Variants in TNFRSF8 observed in about 807,000 individuals in gnomAD.
TNFRSF8 encodes tumor necrosis factor receptor superfamily member 8.
TNFRSF8 carries 26 observed loss-of-function variants against 70.8 expected under a neutral mutation model. That is an observed-to-expected ratio of 0.37 (90% confidence interval 0.27 to 0.51). The LOEUF (loss-of-function observed/expected upper bound fraction) is 0.51, where lower values mean the gene tolerates loss of function less well. Among genes scored for constraint, TNFRSF8 ranks in the 20% least tolerant of loss-of-function variants. TNFRSF8 has a pLI of 0.94. For synonymous variants in TNFRSF8, 356 were observed against 339.2 expected (o/e 1.05, Z -0.54); for missense variants, 720 against 807.9 (o/e 0.89, Z 1.32).
chr1:12,120,976 C>A (rs1241426135), intron 8 of TNFRSF8, among the ~76,000 whole-genome samples: 2 of 152,214 alleles, frequency 1.3e-5, no homozygotes, highest in African/African-American at 4.8e-5. Flanking sequence ...GCAGCTGAGA[C>A]CATGGGCCTG....
In TNFRSF8 at chr1:12,142,662, C is replaced by T; in HGVS notation, c.*131C>T. On this transcript the variant is annotated 3_prime_UTR_variant, in exon 15 of 15. Transcript: ENST00000263932. This position sits in a 1 kb window ranked among gnomAD's most constrained non-coding sequence, Gnocchi z 5.0. ...TGAGGCTCCAGCATCTAGTGGTGGA[C>T]CGGCCGGTCACTGCAGGGGTCTGGT... is the stretch of plus-strand genomic sequence containing the variant. 2 of 1,271,540 alleles carry T rather than the reference C, an allele frequency of 1.6e-6. No homozygotes were observed. Among genetic ancestry groups the T allele is most frequent in the East Asian group, 2.5e-5 (1 of 39,296 alleles). The allele number at this position is 1,271,540 out of a possible 1,614,324, so 78.8% of individuals were successfully genotyped here.
At chr1:12,101,863 C>T (rs12120288) in intron 3 of TNFRSF8, among the ~76,000 whole-genome samples, 5,116 of 151,994 alleles carry the variant, frequency 0.034, 97 homozygotes, top group African/African-American at 0.049. Context: ...TTAGGAGAGG[C>T]GGGATTTCAC....
chr1:12,130,141 C>T (rs971185669), intron 12 of TNFRSF8, among the ~76,000 whole-genome samples: 2 of 152,214 alleles, frequency 1.3e-5, no homozygotes, highest in African/African-American at 4.8e-5. Context: ...CTCCTGGCCT[C>T]AAGTGGTCCT....
At chr1:12,117,807 C>T (rs747879648) in intron 8 of TNFRSF8, among the ~76,000 whole-genome samples, 10 of 152,066 alleles carry the variant, frequency 6.6e-5, no homozygotes, top group Non-Finnish European at 1.5e-4. Flanking sequence ...ATACATTGTA[C>T]CCCTTAAATA....
At chr1:12,070,576 T>C (rs1640824988) in intron 1 of TNFRSF8, among the ~76,000 whole-genome samples, 1 of 152,150 alleles carries the variant, frequency 6.6e-6, no homozygotes, top group Admixed American at 6.5e-5. Context: ...TCCTCCTGCC[T>C]GCGCCTCCTA....
At position 12,123,272 on chromosome 1, in the gene TNFRSF8, T is replaced by A; in HGVS notation, c.947-12T>A. ...TTGGCGCTGGTTCTCAGATGTTACG[T>A]CCCCTCTGCAGATATGGCTGAGAAG... is the stretch of plus-strand genomic sequence containing the variant. On this transcript the variant is annotated splice_polypyrimidine_tract_variant and intron_variant, in intron 8 of 14. Transcript: ENST00000263932. The A allele has an allele frequency of 6.2e-7, 1 of 1,607,322 alleles. No individual in the cohort carries two copies. The highest frequency in any genetic ancestry group is 1.1e-5 in the South Asian group (1 of 89,236).
intron 3 of TNFRSF8, among the ~76,000 whole-genome samples, chr1:12,104,042 C>T (rs573699133): frequency 6.6e-6 from 1 of 152,276 alleles, no homozygotes; most frequent in South Asian, 2.1e-4. Context: ...CCCTGAACCT[C>T]TGGCAGCTAC....
At chr1:12,072,935 C>T (rs1489214880) in intron 1 of TNFRSF8, among the ~76,000 whole-genome samples, 2 of 152,198 alleles carry the variant, frequency 1.3e-5, no homozygotes, top group African/African-American at 4.8e-5. Context: ...TCCAAACGGT[C>T]TGGGGGGCAT....
chr1:12,140,895 C>T (rs751088508), intron 14 of TNFRSF8, among the ~76,000 whole-genome samples: 27 of 152,140 alleles, frequency 1.8e-4, no homozygotes, highest in Non-Finnish European at 3.8e-4. Flanking sequence ...TCTCACCACC[C>T]CCGGCCCCCA....
intron 8 of TNFRSF8, among the ~76,000 whole-genome samples, chr1:12,122,489 A>G (rs1339851109): frequency 6.6e-6 from 1 of 151,816 alleles, no homozygotes; most frequent in East Asian, 2.0e-4. Context: ...TCTACTAAAA[A>G]TACAAAAATT....
chr1:12,127,784 C>T (rs1390731946), intron 12 of TNFRSF8, among the ~76,000 whole-genome samples: 2 of 152,176 alleles, frequency 1.3e-5, no homozygotes, highest in Non-Finnish European at 2.9e-5. Flanking sequence ...ATTAGAATTT[C>T]CATTGCCGTC....
In TNFRSF8 at chr1:12,138,139, T is replaced by G. The variant is rs1642181025; in HGVS notation, c.1336-90T>G. ...AGAAAGGGGGACTCACTGGGGTCTG[T>G]AGAGATGAAAAAAAAAAGGGGCCTC... On this transcript the variant is annotated intron_variant, in intron 13 of 14. Coordinates refer to ENST00000263932, the MANE Select transcript of TNFRSF8 (RefSeq NM_001243.5). This position sits in a 1 kb window ranked among gnomAD's most constrained non-coding sequence, Gnocchi z 5.7. 6 of 1,364,832 alleles carry G rather than the reference T, an allele frequency of 4.4e-6. No homozygotes were observed. The highest frequency in any genetic ancestry group is 3.0e-6 in the Non-Finnish European group (3 of 998,312). The allele number at this position is 1,364,832 out of a possible 1,614,324, so 84.5% of individuals were successfully genotyped here. A position where few individuals can be genotyped will look rare whatever the true frequency, so the allele number is the denominator to read the frequency against.
At position 12,111,974 on chromosome 1, in the gene TNFRSF8, C is replaced by T. The variant is rs536842664; in HGVS notation, c.753C>T (p.Asp251=). Reference sequence around the variant, plus strand: ...AGTGTGAGCCCGACTACTACCTGGACGAGGCCGGCCGCTGCACGGCCTGCG... The same window carrying T: ...AGTGTGAGCCCGACTACTACCTGGATGAGGCCGGCCGCTGCACGGCCTGCG... ...RKQCEPDYYL[D]EAGRCTACVS... The change falls in exon 7 of 15, where the codon GAC becomes GAT. Residue 251 remains aspartate (D), a synonymous_variant. Coordinates refer to ENST00000263932, the MANE Select transcript of TNFRSF8 (RefSeq NM_001243.5). 100 of 1,614,186 alleles carry T rather than the reference C, an allele frequency of 6.2e-5. No homozygotes were observed. Among genetic ancestry groups the T allele is most frequent in the South Asian group, 7.7e-5 (7 of 91,080 alleles).
intron 1 of TNFRSF8, among the ~76,000 whole-genome samples, chr1:12,076,086 C>CTCTTTTTTTTTTTTTT: frequency 7.4e-6 from 1 of 134,460 alleles, no homozygotes; most frequent in Non-Finnish European, 1.6e-5. Context: ...TGGTTTTATT[C>CTCTTTTTTTTTTTTTT]TTTTTTTTTT....
intron 2 of TNFRSF8, among the ~76,000 whole-genome samples, chr1:12,089,778 G>A (rs1020690132): frequency 5.3e-5 from 8 of 151,998 alleles, no homozygotes; most frequent in Non-Finnish European, 1.0e-4. Flanking sequence ...GTGAGGAAAA[G>A]CCCCTATACC....
chr1:12,096,089 G>A (rs1223916562), intron 2 of TNFRSF8, among the ~76,000 whole-genome samples: 2 of 152,152 alleles, frequency 1.3e-5, no homozygotes, highest in African/African-American at 2.4e-5. Context: ...GGCATGCCTG[G>A]GTCATGTGCC....
rs1642132256 is a variant in TNFRSF8 at position 12,135,627 on chromosome 1, C to T, written c.1335+14C>T. 1 of 1,613,898 alleles carries T rather than the reference C, an allele frequency of 6.2e-7. No individual in the cohort carries two copies. Among genetic ancestry groups the T allele is most frequent in the Non-Finnish European group, 8.5e-7 (1 of 1,179,976 alleles). On this transcript the variant is annotated intron_variant, in intron 13 of 14. Transcript: ENST00000263932. The stretch of plus-strand genomic sequence containing the variant: ...AGGAGCTCAACGGTAAGTACCCCTC[C>T]CTTGCCCCCACCTCAGCTTCGTGCC...
At chr1:12,130,808 C>T (rs1642034279) in intron 12 of TNFRSF8, among the ~76,000 whole-genome samples, 1 of 152,220 alleles carries the variant, frequency 6.6e-6, no homozygotes, top group Non-Finnish European at 1.5e-5. Context: ...GTGGTTATTC[C>T]AAAAGGCAAG....
At chr1:12,134,725 T>G (rs940757375) in intron 12 of TNFRSF8, among the ~76,000 whole-genome samples, 5 of 152,220 alleles carry the variant, frequency 3.3e-5, no homozygotes, top group Admixed American at 2.0e-4. Flanking sequence ...CACAGCAGAC[T>G]GGCTTCGGGC....
Sources: gnomAD v4.1 joint callset for allele counts (sites outside exome capture counted in the v4.1 genomes callset) on GRCh38, gnomAD v4.1.1 for gene constraint, Gnocchi (gnomAD v3.1) non-coding constraint, MANE v1.5 for transcripts, NCBI Gene and HGNC (gene_info 2026-07-23, HGNC 2026-07-21) for gene names.